SESN1: variants seen among roughly 807,000 people sequenced by gnomAD.
SESN1 encodes sestrin 1.
SESN1 carries 30 observed loss-of-function variants against 59.3 expected under a neutral mutation model. The ratio of observed to expected loss-of-function variants is 0.51; its 90% CI spans 0.38 to 0.69. The LOEUF (loss-of-function observed/expected upper bound fraction) is 0.69. Ranked by LOEUF, SESN1 falls within the 30% of genes least tolerant of loss-of-function variation. The pLI, the probability that SESN1 is intolerant of heterozygous loss-of-function variation, is 0.00. For missense variants in SESN1, 566 were observed against 673.0 expected, an observed-to-expected ratio of 0.84 and a Z score of 1.76; for synonymous variants, 197 against 219.9, an observed-to-expected ratio of 0.90 and a Z score of 0.92.
chr6:109,043,336 G>T (rs547081467), intron 1 of SESN1, among the ~76,000 whole-genome samples: 2 of 152,024 alleles, frequency 1.3e-5, no homozygotes, highest in Non-Finnish European at 2.9e-5. Context: ...GGAAGTTCTA[G>T]TCAGGGCAAT....
At position 108,988,602 on chromosome 6, in the gene SESN1, CA is replaced by C; in HGVS notation, c.1509del (p.Glu504LysfsTer28). 1 of 1,613,384 alleles carries C rather than the reference CA, an allele frequency of 6.2e-7. No individual in the cohort carries two copies. Among genetic ancestry groups the C allele is most frequent in the Non-Finnish European group, 8.5e-7 (1 of 1,179,704 alleles). On this transcript the variant is annotated frameshift_variant, in exon 9 of 10. Coordinates refer to ENST00000436639, the MANE Select transcript of SESN1 (RefSeq NM_014454.3). LOFTEE classifies it high-confidence loss of function. ...TCATACATTCTTTTGGTAACCTTTT[CA>C]GGAGTGCAAACAACAGTTTTGATAT... is the stretch of plus-strand genomic sequence containing the variant. The part of the protein sequence containing the change: ...KVYIKTVVCT[P>X]EKVTKRMYDS...
chr6:109,094,313 G>A lies in SESN1; in HGVS notation c.-240C>T. 1 of 532,648 alleles carries A rather than the reference G, an allele frequency of 1.9e-6. No individual in the cohort carries two copies. The highest frequency in any genetic ancestry group is 1.9e-5 in the African/African-American group (1 of 52,226). The allele number at this position is 532,648 out of a possible 1,614,324, so 33.0% of individuals were successfully genotyped here. A position where few individuals can be genotyped will look rare whatever the true frequency, so the allele number is the denominator to read the frequency against. ...TCTTCTTTCTGGAAAAACAAAGTTTGAAAGTTGCAACCTTGCAGCGCTGGC... is the reference window on the plus strand; with the variant it reads ...TCTTCTTTCTGGAAAAACAAAGTTTAAAAGTTGCAACCTTGCAGCGCTGGC... On this transcript the variant is annotated 5_prime_UTR_variant, in exon 1 of 10. Transcript: ENST00000436639.
chr6:109,069,317 A>G (rs1049766974), intron 1 of SESN1, among the ~76,000 whole-genome samples: 2 of 152,046 alleles, frequency 1.3e-5, no homozygotes, highest in African/African-American at 2.4e-5. Flanking sequence ...AATAAAACAA[A>G]CAAACAAAAA....
chr6:108,998,936 A>AATAT lies in SESN1; in HGVS notation c.730-182_730-181insATAT. On this transcript the variant is annotated intron_variant, in intron 4 of 9. Coordinates refer to ENST00000436639, the MANE Select transcript of SESN1 (RefSeq NM_014454.3). ...TTTTTATGAATATGCATTCACAAAT[A>AATAT]GAACTTAACATAATCTGTTAAGACA... 9.1e-6 allele frequency: 5 copies of AATAT among 551,872 alleles called. No homozygotes were observed. In the South Asian group the frequency reaches 1.3e-4, roughly 14 times the overall value. 34.2% of individuals were successfully genotyped at this position (551,872 alleles called of 1,614,324 possible). A position where few individuals can be genotyped will look rare whatever the true frequency, so the allele number is the denominator to read the frequency against.
At chr6:109,083,242 A>G (rs980318547) in intron 1 of SESN1, among the ~76,000 whole-genome samples, 2 of 152,232 alleles carry the variant, frequency 1.3e-5, no homozygotes, top group African/African-American at 4.8e-5. Flanking sequence ...AAAATTCAAC[A>G]TGACCTTTAC....
intron 1 of SESN1, among the ~76,000 whole-genome samples, chr6:109,073,946 C>A (rs935761118): frequency 6.6e-6 from 1 of 152,062 alleles, no homozygotes; most frequent in African/African-American, 2.4e-5. Context: ...GAGAGATAAC[C>A]GCTATTAGTA....
At chr6:108,994,303 T>C (rs1448571432) in intron 6 of SESN1, among the ~76,000 whole-genome samples, 159 bp downstream of exon 6, 1 of 152,180 alleles carries the variant, frequency 6.6e-6, no homozygotes, top group Non-Finnish European at 1.5e-5. Flanking sequence ...TTTTCTTAGT[T>C]GCTTGCTTTA....
At chr6:109,066,996 C>T (rs781100795) in intron 1 of SESN1, among the ~76,000 whole-genome samples, 2 of 152,260 alleles carry the variant, frequency 1.3e-5, no homozygotes, top group Non-Finnish European at 2.9e-5. Flanking sequence ...GTGCAATATT[C>T]GCAAAATCAA....
chr6:109,081,624 C>T (rs1279407339), intron 1 of SESN1, among the ~76,000 whole-genome samples: 2 of 152,104 alleles, frequency 1.3e-5, no homozygotes, highest in Non-Finnish European at 2.9e-5. Flanking sequence ...AACTTGATTC[C>T]AATCCCATGG....
At chr6:109,078,513 T>A (rs1781066774) in intron 1 of SESN1, among the ~76,000 whole-genome samples, 1 of 152,224 alleles carries the variant, frequency 6.6e-6, no homozygotes, top group East Asian at 1.9e-4. Flanking sequence ...TATTAACATG[T>A]ACACACTTTT....
chr6:109,093,026 T>C (rs1781353820), intron 1 of SESN1, among the ~76,000 whole-genome samples: 1 of 152,154 alleles, frequency 6.6e-6, no homozygotes, highest in South Asian at 2.1e-4. Flanking sequence ...ATATAAGGTG[T>C]TGCTGAATAT....
intron 1 of SESN1, among the ~76,000 whole-genome samples, chr6:109,027,786 T>C (rs1303829874): frequency 6.6e-6 from 1 of 152,140 alleles, no homozygotes; most frequent in Non-Finnish European, 1.5e-5. Context: ...CAATATCTCA[T>C]TGTGATTTTA....
chr6:108,988,448 G>A, intron 9 of SESN1, 95 bp downstream of exon 9: 1 of 1,103,390 alleles, frequency 9.1e-7, no homozygotes, highest in South Asian at 1.8e-5. Context: ...GGTTGGTAGG[G>A]GTGATGGAAA....
At chr6:109,026,323 C>T (rs1290855811) in intron 1 of SESN1, among the ~76,000 whole-genome samples, 2 of 151,998 alleles carry the variant, frequency 1.3e-5, no homozygotes, top group Non-Finnish European at 2.9e-5. Flanking sequence ...TGAAAAAGAC[C>T]AAAGAACAGT....
At chr6:108,995,824 T>C (rs1028062149) in intron 5 of SESN1, among the ~76,000 whole-genome samples, 3 of 151,122 alleles carry the variant, frequency 2.0e-5, no homozygotes, top group Non-Finnish European at 1.5e-5. Context: ...TCTCAATGTA[T>C]ACATACAAAA....
Position 109,093,895 on chromosome 6 carries a change from T to A in SESN1, c.179A>T (p.Asp60Val). 6.2e-7 allele frequency: 1 copy of A among 1,614,216 alleles called. No individual in the cohort carries two copies. The highest frequency in any genetic ancestry group is 8.5e-7 in the Non-Finnish European group (1 of 1,180,036). Residue 60 changes from aspartate (D) to valine (V), a missense_variant, in exon 1 of 10, where the codon GAT becomes GTT. Asp to Val is a radical substitution (Grantham distance 152). Coordinates refer to ENST00000436639, the MANE Select transcript of SESN1 (RefSeq NM_014454.3). Reference protein sequence around the residue: ...SDGLSNTESSDGLNKLLAHLL... With the variant: ...SDGLSNTESSVGLNKLLAHLL... ...ATGAGCAAGTAGCTTATTCAACCCA[T>A]CCGAAGACTCGGTATTTGAAAGCCC... is the stretch of plus-strand genomic sequence containing the variant.
chr6:109,078,711 C>T (rs181375616), intron 1 of SESN1, among the ~76,000 whole-genome samples: 2 of 152,142 alleles, frequency 1.3e-5, no homozygotes, highest in East Asian at 3.9e-4. Flanking sequence ...GTTTTTACAT[C>T]CCCCACAATG....
chr6:109,005,902 T>TA (rs1429451271), intron 1 of SESN1, among the ~76,000 whole-genome samples: 2 of 152,246 alleles, frequency 1.3e-5, no homozygotes, highest in Non-Finnish European at 2.9e-5. Flanking sequence ...TTTGGCTGTC[T>TA]AATTTCTCAG....
intron 1 of SESN1, among the ~76,000 whole-genome samples, chr6:109,006,305 T>G (rs1779729646): frequency 6.6e-6 from 1 of 152,066 alleles, no homozygotes; most frequent in African/African-American, 2.4e-5. Flanking sequence ...TTTTTTTAAT[T>G]TTTAAAATTA....
Sources: gnomAD v4.1 joint callset for allele counts (sites outside exome capture counted in the v4.1 genomes callset) on GRCh38, gnomAD v4.1.1 for gene constraint, MANE v1.5 for transcripts, NCBI Gene and HGNC (gene_info 2026-07-23, HGNC 2026-07-21) for gene names.